Variants in NUFIP1 observed in about 807,000 individuals in gnomAD.
NUFIP1 encodes FMR1-interacting protein NUFIP1.
NUFIP1 carries 38 observed loss-of-function variants against 56.2 expected under a neutral mutation model. That is an observed-to-expected ratio of 0.68 (90% CI 0.52 to 0.89). NUFIP1 has a LOEUF of 0.89. Ranked by LOEUF, NUFIP1 falls within the 40% of genes least tolerant of loss-of-function variation. NUFIP1 has a pLI of 0.00. For synonymous variants in NUFIP1, 215 were observed against 212.4 expected (o/e 1.01, Z -0.10); for missense variants, 567 against 605.8 (o/e 0.94, Z 0.67).
chr13:44,966,378 G>A (rs917502805), intron 5 of NUFIP1, among the ~76,000 whole-genome samples: 2 of 152,036 alleles, frequency 1.3e-5, no homozygotes, highest in Middle Eastern at 3.4e-3. Context: ...GCAATGGTGC[G>A]ATCTCAGCTC....
In NUFIP1 at chr13:44,943,952, T is replaced by C. The variant is rs74243181; in HGVS notation, c.1139-278A>G. Among the ~76,000 whole-genome samples the C allele has an allele frequency of 3.2e-4, 48 of 152,290 alleles. No individual in the cohort carries two copies. In the East Asian group the frequency reaches 7.7e-3, roughly 24 times the overall value. On this transcript the variant is annotated intron_variant, in intron 8 of 9. Transcript: ENST00000379161. ...AATGCCAGATGGAAACTTGGATCTA[T>C]ACAAAGGAAGGATAAGTGCTGGAAA... is the stretch of plus-strand genomic sequence containing the variant.
Position 44,989,320 on chromosome 13 carries a change from G to A in NUFIP1, c.117C>T (p.Phe39=), listed in dbSNP as rs762330692. 1.6e-5 allele frequency: 26 copies of A among 1,613,204 alleles called. No individual in the cohort carries two copies. Among genetic ancestry groups the A allele is most frequent in the Non-Finnish European group, 2.1e-5 (25 of 1,179,842 alleles). Residue 39 remains phenylalanine, a synonymous_variant, in exon 1 of 10, where the codon TTC becomes TTT. Transcript: ENST00000379161. The part of the protein sequence containing the change: ...DTAPPRDSWM[F]WAMLPPPPPP... ...GTGGCGGTGGCGGCAGCATTGCCCA[G>A]AACATCCAGCTGTCCCGCGGCGGGG...
chr13:44,977,924 C>CCACACTACT (rs1175394319), intron 5 of NUFIP1, among the ~76,000 whole-genome samples: 3 of 152,114 alleles, frequency 2.0e-5, no homozygotes, highest in Non-Finnish European at 1.5e-5. Context: ...GGGTGCACGC[C>CCACACTACT]TGTTATCCCA....
chr13:44,954,784 G>C (rs1356860300), intron 7 of NUFIP1, among the ~76,000 whole-genome samples: 1 of 152,180 alleles, frequency 6.6e-6, no homozygotes, highest in East Asian at 1.9e-4. Context: ...AGCTCTCAAA[G>C]AAGACAGTTA....
At position 44,964,793 on chromosome 13, in the gene NUFIP1, T is replaced by C. The variant is rs1593364178; in HGVS notation, c.827+1051A>G. Among the ~76,000 whole-genome samples, 3 of 152,298 alleles carry C rather than the reference T, an allele frequency of 2.0e-5. No homozygotes were observed. In the East Asian group the frequency reaches 5.8e-4, roughly 29 times the overall value. The stretch of plus-strand genomic sequence containing the variant: ...CCGAGTCATAACTAGGGCCTGTTTG[T>C]ACCTCATATTTCACAGGGCATGGGG... On this transcript the variant is annotated intron_variant, in intron 6 of 9. Coordinates refer to ENST00000379161, the MANE Select transcript of NUFIP1 (RefSeq NM_012345.3).
chr13:44,949,186 T>C (rs1870995329), intron 8 of NUFIP1, among the ~76,000 whole-genome samples: 1 of 149,218 alleles, frequency 6.7e-6, no homozygotes, highest in Non-Finnish European at 1.5e-5. Flanking sequence ...TTCCTATTCT[T>C]TCATTATATT....
intron 5 of NUFIP1, among the ~76,000 whole-genome samples, chr13:44,973,488 T>A (rs11842972): frequency 0.016 from 2,505 of 152,258 alleles, 79 homozygotes; most frequent in African/African-American, 0.056. Flanking sequence ...AAGAAAAATA[T>A]CTTCAAGCAC....
chr13:44,964,707 C>A (rs1871539251), intron 6 of NUFIP1, among the ~76,000 whole-genome samples: 1 of 152,114 alleles, frequency 6.6e-6, no homozygotes, highest in South Asian at 2.1e-4. Context: ...AGGAAACTAT[C>A]CAAGGTTGGG....
At chr13:44,982,031 T>C (rs1433654002) in intron 2 of NUFIP1, 41 bp downstream of exon 2, 6 of 1,106,550 alleles carry the variant, frequency 5.4e-6, no homozygotes, top group East Asian at 2.6e-5. Context: ...AACAGTAACA[T>C]AGGGACCAAG....
At chr13:44,956,157 A>AG in intron 7 of NUFIP1, among the ~76,000 whole-genome samples, 1 of 151,816 alleles carries the variant, frequency 6.6e-6, no homozygotes, top group Non-Finnish European at 1.5e-5. Context: ...AAAAAAAAAA[A>AG]AAAAAGAATC....
chr13:44,983,062 C>G (rs1872250361), intron 1 of NUFIP1, among the ~76,000 whole-genome samples: 1 of 152,124 alleles, frequency 6.6e-6, no homozygotes, highest in Admixed American at 6.6e-5. Flanking sequence ...ACTATGTTGC[C>G]CAGGCTGATC....
At chr13:44,962,900 G>C (rs549987842) in intron 6 of NUFIP1, among the ~76,000 whole-genome samples, 1 of 152,284 alleles carries the variant, frequency 6.6e-6, no homozygotes, top group Admixed American at 6.5e-5. Context: ...TGTAGCCTAA[G>C]AGCAACAGGC....
chr13:44,987,823 G>T (rs1373004382), intron 1 of NUFIP1, among the ~76,000 whole-genome samples: 2 of 152,118 alleles, frequency 1.3e-5, no homozygotes, highest in East Asian at 3.8e-4. Flanking sequence ...CGTAAATCAG[G>T]TCATGTCAAT....
chr13:44,945,276 T>C (rs905815964), intron 8 of NUFIP1, among the ~76,000 whole-genome samples: 11 of 152,028 alleles, frequency 7.2e-5, no homozygotes, highest in South Asian at 2.1e-4. Context: ...CAAATTCTTT[T>C]GAAAAACACA....
chr13:44,973,892 T>A (rs1023148900), intron 5 of NUFIP1, among the ~76,000 whole-genome samples: 1 of 152,112 alleles, frequency 6.6e-6, no homozygotes, highest in Non-Finnish European at 1.5e-5. Flanking sequence ...AATAACAAGT[T>A]TGACTGAGAC....
intron 7 of NUFIP1, among the ~76,000 whole-genome samples, chr13:44,957,829 A>G (rs1871295434): frequency 6.6e-6 from 1 of 152,236 alleles, no homozygotes; most frequent in Non-Finnish European, 1.5e-5. Flanking sequence ...AATTGCACAA[A>G]GTAAAAGATT....
rs1566053725 is a variant in NUFIP1 at position 44,939,778 on chromosome 13, T to C, written c.*1428A>G. On this transcript the variant is annotated 3_prime_UTR_variant, in exon 10 of 10. Coordinates refer to ENST00000379161, the MANE Select transcript of NUFIP1 (RefSeq NM_012345.3). ...AAGAAAAATGGAAAATAAAACTGTT[T>C]CTATAATATACCTTAAGGCAGTGTG... is the stretch of plus-strand genomic sequence containing the variant. The C allele has an allele frequency of 6.6e-6, 1 of 152,224 alleles. No individual in the cohort carries two copies. Among genetic ancestry groups the C allele is most frequent in the Non-Finnish European group, 1.5e-5 (1 of 68,036 alleles). The allele number at this position is 152,224 out of a possible 1,614,324, so 9.4% of individuals were successfully genotyped here.
At chr13:44,967,111 G>T (rs991164700) in intron 5 of NUFIP1, among the ~76,000 whole-genome samples, 7 of 152,018 alleles carry the variant, frequency 4.6e-5, no homozygotes, top group Admixed American at 4.6e-4. Context: ...GGTAGGGGTG[G>T]AATGGAAAGA....
At chr13:44,960,989 G>A (rs1486120507) in intron 6 of NUFIP1, among the ~76,000 whole-genome samples, 1 of 149,834 alleles carries the variant, frequency 6.7e-6, no homozygotes, top group African/African-American at 2.5e-5. Flanking sequence ...GGAGGTGGAA[G>A]TCACAGTGGG....
Sources: allele counts gnomAD v4.1 joint callset (sites outside exome capture counted in the v4.1 genomes callset), GRCh38; gene constraint gnomAD v4.1.1; transcripts MANE v1.5; gene names NCBI Gene and HGNC (gene_info 2026-07-23, HGNC 2026-07-21).